The following ROBO2 variants were observed in gnomAD, a reference collection of about 807,000 sequenced individuals.
ROBO2 encodes roundabout homolog 2.
ROBO2 carries 53 observed loss-of-function variants against 160.8 expected under a neutral mutation model. The observed-to-expected ratio is 0.33, with a 90% CI of 0.26 to 0.41. The LOEUF is 0.41. Ranked by LOEUF, ROBO2 falls within the 10% of genes least tolerant of loss-of-function variation. The pLI is 1.00. For synonymous variants in ROBO2, 664 were observed against 611.7 expected (o/e 1.09, Z -1.26); for missense variants, 1,577 against 1,722.4 (o/e 0.92, Z 1.49).
chr3:76,648,848 T>G (rs2109842564), intron 2 of ROBO2, among the ~76,000 whole-genome samples: 1 of 152,232 alleles, frequency 6.6e-6, no homozygotes, highest in Non-Finnish European at 1.5e-5. Context: ...TCTCATAATT[T>G]GTTTATAAAA....
chr3:76,305,179 A>T (rs538740045), intron 2 of ROBO2, among the ~76,000 whole-genome samples: 5 of 151,976 alleles, frequency 3.3e-5, no homozygotes, highest in Non-Finnish European at 7.4e-5. Flanking sequence ...ACCTGAATCC[A>T]GGAGTTTAAT....
chr3:76,618,156 T>G (rs1264267019), intron 2 of ROBO2, among the ~76,000 whole-genome samples: 1 of 151,722 alleles, frequency 6.6e-6, no homozygotes, highest in Non-Finnish European at 1.5e-5. Context: ...CGACCCCATC[T>G]GACTTGCAAT....
intron 6 of ROBO2, among the ~76,000 whole-genome samples, chr3:77,529,832 T>G (rs2091497891): frequency 6.6e-6 from 1 of 151,914 alleles, no homozygotes; most frequent in Non-Finnish European, 1.5e-5. Flanking sequence ...AGAACTATAC[T>G]TTAAACTTGA....
At chr3:77,268,985 A>G (rs1580516986) in intron 2 of ROBO2, among the ~76,000 whole-genome samples, 1 of 152,358 alleles carries the variant, frequency 6.6e-6, no homozygotes, top group Non-Finnish European at 1.5e-5. Context: ...TTGCTAGTAC[A>G]GTGTTCACAG....
chr3:77,328,066 AAAAAAAAAAAAAAAG>A (rs1219896389), intron 2 of ROBO2, among the ~76,000 whole-genome samples: 7 of 33,124 alleles, frequency 2.1e-4, no homozygotes, highest in African/African-American at 3.4e-4. Flanking sequence ...GTATCTCAAA[AAAAAAAAAAAAAAAG>A]AAAAGAAAAA....
intron 17 of ROBO2, among the ~76,000 whole-genome samples, chr3:77,590,049 G>A (rs943771140): frequency 2.0e-5 from 3 of 152,082 alleles, no homozygotes; most frequent in Non-Finnish European, 4.4e-5. Context: ...TGGAAATAGT[G>A]CAAAATGCTA....
chr3:76,692,781 G>T (rs926438726), intron 2 of ROBO2, among the ~76,000 whole-genome samples: 1 of 151,808 alleles, frequency 6.6e-6, no homozygotes, highest in African/African-American at 2.4e-5. Flanking sequence ...TCACTTTTGG[G>T]GGTATTTATA....
intron 2 of ROBO2, among the ~76,000 whole-genome samples, chr3:76,335,173 GTTTTGTTT>G (rs1317025358): frequency 2.1e-5 from 2 of 94,190 alleles, no homozygotes; most frequent in African/African-American, 7.1e-5. Context: ...AAACTTTTCT[GTTTTGTTT>G]TTTTTTTTTT....
intron 2 of ROBO2, among the ~76,000 whole-genome samples, chr3:76,187,400 G>T (rs1001631201): frequency 2.6e-5 from 4 of 151,928 alleles, no homozygotes; most frequent in African/African-American, 9.7e-5. Context: ...TCAGCCTCCT[G>T]AGTAGCTGGG....
chr3:77,446,704 A>G (rs982475734), intron 2 of ROBO2, among the ~76,000 whole-genome samples: 5 of 152,096 alleles, frequency 3.3e-5, no homozygotes, highest in African/African-American at 1.2e-4. Flanking sequence ...CAGAGTTTTT[A>G]AAATTAAATA....
intron 6 of ROBO2, among the ~76,000 whole-genome samples, chr3:77,532,887 GT>G (rs1373956872): frequency 6.6e-6 from 1 of 151,702 alleles, no homozygotes; most frequent in Non-Finnish European, 1.5e-5. Flanking sequence ...TTGTTTCTGT[GT>G]TTCTTTGAGT....
intron 20 of ROBO2, among the ~76,000 whole-genome samples, chr3:77,604,392 T>C (rs2094487925): frequency 6.6e-6 from 1 of 152,204 alleles, no homozygotes; most frequent in South Asian, 2.1e-4. Flanking sequence ...CTATATACTA[T>C]AATCCATGGA....
chr3:76,075,857 A>T (rs1359089571), intron 2 of ROBO2, among the ~76,000 whole-genome samples: 1 of 152,246 alleles, frequency 6.6e-6, no homozygotes, highest in Non-Finnish European at 1.5e-5. Flanking sequence ...CTTACAGAGC[A>T]GATAATAAAA....
chr3:77,111,061 T>C (rs959984022), intron 2 of ROBO2, among the ~76,000 whole-genome samples: 1 of 152,108 alleles, frequency 6.6e-6, no homozygotes, highest in African/African-American at 2.4e-5. Context: ...TGGTGAAGAA[T>C]AAAGCATTAA....
chr3:76,151,660 T>C (rs977136113), intron 2 of ROBO2, among the ~76,000 whole-genome samples: 8 of 152,148 alleles, frequency 5.3e-5, no homozygotes, highest in African/African-American at 1.7e-4. Context: ...TTTGTGAGCC[T>C]TCTGTTCTCT....
At chr3:76,830,811 T>TAA (rs10666160) in intron 2 of ROBO2, among the ~76,000 whole-genome samples, 70,735 of 132,266 alleles carry the variant, frequency 0.53, 20,592 homozygotes, top group Non-Finnish European at 0.66. Context: ...ACCTCATTTC[T>TAA]AAAAAAAAAA....
intron 2 of ROBO2, among the ~76,000 whole-genome samples, chr3:76,261,844 G>C (rs993563735): frequency 6.6e-6 from 1 of 152,056 alleles, no homozygotes; most frequent in African/African-American, 2.4e-5. Context: ...GGTAGTACTT[G>C]AGAAAGACCA....
At chr3:76,217,999 T>A (rs1485942359) in intron 2 of ROBO2, among the ~76,000 whole-genome samples, 2 of 152,206 alleles carry the variant, frequency 1.3e-5, no homozygotes, top group Admixed American at 1.3e-4. Flanking sequence ...GATGCAAGGC[T>A]GGTTCAACAT....
At chr3:76,282,225 C>A (rs1244245510) in intron 2 of ROBO2, among the ~76,000 whole-genome samples, 1 of 151,888 alleles carries the variant, frequency 6.6e-6, no homozygotes, top group Non-Finnish European at 1.5e-5. Flanking sequence ...TACAGCCCTA[C>A]CTTTTCTGTA....
Sources: gnomAD v4.1 joint callset for allele counts (sites outside exome capture counted in the v4.1 genomes callset) on GRCh38, gnomAD v4.1.1 for gene constraint, MANE v1.5 for transcripts, NCBI Gene and HGNC (gene_info 2026-07-23, HGNC 2026-07-21) for gene names.